Variants in CBLN2 observed in about 807,000 individuals in gnomAD.
CBLN2 encodes the protein cerebellin 2 precursor, also known as cerebellin-2.
In CBLN2, 7 loss-of-function variants were observed where a neutral mutation model predicts 15.0. The ratio of observed to expected loss-of-function variants is 0.47; its 90% CI spans 0.27 to 0.88. The LOEUF (loss-of-function observed/expected upper bound fraction) is 0.88, where lower values mean the gene tolerates loss of function less well. Among genes scored for constraint, CBLN2 ranks in the 40% least tolerant of loss-of-function variants. The pLI is 0.14. For missense variants in CBLN2, 242 were observed against 304.5 expected (o/e 0.79, Z 1.53); for synonymous variants, 149 against 135.2 (o/e 1.10, Z -0.71).
At chr18:72,612,560 T>G (rs577145604) in intron 1 of CBLN2, among the ~76,000 whole-genome samples, 4 of 152,236 alleles carry the variant, frequency 2.6e-5, no homozygotes, top group Admixed American at 2.6e-4. Flanking sequence ...ATTTTCTGTG[T>G]TTTTCTGTAC....
chr18:72,595,999 G>C (rs1294493736), intron 1 of CBLN2, among the ~76,000 whole-genome samples: 1 of 152,008 alleles, frequency 6.6e-6, no homozygotes, highest in Non-Finnish European at 1.5e-5. Context: ...CTTTTGATTG[G>C]AGAGTTTATA....
intron 1 of CBLN2, among the ~76,000 whole-genome samples, chr18:72,588,799 G>T (rs1353100434): frequency 6.6e-6 from 1 of 152,180 alleles, no homozygotes; most frequent in South Asian, 2.1e-4. Flanking sequence ...TTTCCAGGCT[G>T]AGAGAATGCA....
At chr18:72,575,209 T>A (rs1212293305) in intron 1 of CBLN2, among the ~76,000 whole-genome samples, 3 of 151,636 alleles carry the variant, frequency 2.0e-5, no homozygotes, top group Non-Finnish European at 4.4e-5. Flanking sequence ...CAATGGAGGG[T>A]CTGGCATTGT....
In CBLN2 at chr18:72,539,243, G is replaced by C. The variant is rs115782366; in HGVS notation, c.358-471C>G. The C allele has an allele frequency of 4.8e-3, 768 of 161,090 alleles. 4 individuals are homozygous for C. Among genetic ancestry groups the C allele is most frequent in the African/African-American group, 0.018 (735 of 41,624 alleles). 10.0% of individuals were successfully genotyped at this position (161,090 alleles called of 1,614,324 possible). On this transcript the variant is annotated intron_variant, in intron 3 of 4. Transcript: ENST00000269503. ...TCTGAATGGGTAGAGAAGCGGCTAT[G>C]GGGCAAGAGGCCAATTAAAGGAGAT...
At chr18:72,545,627 A>G (rs981044121), upstream of CBLN2, among the ~76,000 whole-genome samples, 2 of 152,200 alleles carry the variant, frequency 1.3e-5, no homozygotes, top group African/African-American at 4.8e-5. Flanking sequence ...ATAGTGTCTT[A>G]CTGTCAAAAT....
chr18:72,617,487 C>G (rs960331970), intron 1 of CBLN2, among the ~76,000 whole-genome samples: 2 of 152,088 alleles, frequency 1.3e-5, no homozygotes, highest in African/African-American at 4.8e-5. Context: ...TGGAATGATA[C>G]TGAATTGAGT....
intron 2 of CBLN2, chr18:72,542,883 A>G (rs957129761): frequency 3.3e-5 from 5 of 153,010 alleles, no homozygotes; most frequent in Non-Finnish European, 7.1e-5. Context: ...CTTGGGGCGA[A>G]TAAGATTACT....
At chr18:72,558,680 C>T (rs1256098844) in intron 1 of CBLN2, among the ~76,000 whole-genome samples, 1 of 152,162 alleles carries the variant, frequency 6.6e-6, no homozygotes, top group Non-Finnish European at 1.5e-5. Context: ...GACACAAAAT[C>T]ACAGAACATT....
intron 1 of CBLN2, among the ~76,000 whole-genome samples, chr18:72,633,946 T>G (rs1452961486): frequency 6.6e-6 from 1 of 152,048 alleles, no homozygotes; most frequent in Admixed American, 6.6e-5. Flanking sequence ...AATAAAACTC[T>G]TAAAGAGCAA....
Position 72,569,283 on chromosome 18 carries a change from TATAGACATCATTTTAAG to T in CBLN2, c.16-30528_16-30512del, listed in dbSNP as rs139237640. Among the ~76,000 whole-genome samples the T allele has an allele frequency of 9.2e-3, 1,400 of 152,284 alleles. 23 individuals are homozygous for T. The highest frequency in any genetic ancestry group is 0.032 in the African/African-American group (1,315 of 41,552). On this transcript the variant is annotated intron_variant, in intron 1 of 2. Transcript: ENST00000581073. ...TAATTTATAACCACTAAAATTGTAA[TATAGACATCATTTTAAG>T]ATAGCTGTATTTACTAAAACAAAAA...
Position 72,542,164 on chromosome 18 carries a change from G to T in CBLN2, c.-4C>A, listed in dbSNP as rs2144866715. The T allele has an allele frequency of 1.6e-6, 2 of 1,253,860 alleles. No homozygotes were observed. Among genetic ancestry groups the T allele is most frequent in the East Asian group, 3.3e-5 (1 of 30,474 alleles). The allele number at this position is 1,253,860 out of a possible 1,614,324, so 77.7% of individuals were successfully genotyped here. On this transcript the variant is annotated 5_prime_UTR_variant, in exon 3 of 5. Coordinates refer to ENST00000269503, the MANE Select transcript of CBLN2 (RefSeq NM_182511.4). The stretch of plus-strand genomic sequence containing the variant: ...GCCCCCGGCCGGGCGCCTGCATCGG[G>T]ACTGGTGGGAGGCGGCGCGCGGGGG...
chr18:72,615,251 AT>A (rs1182543601), intron 1 of CBLN2, among the ~76,000 whole-genome samples: 1 of 131,166 alleles, frequency 7.6e-6, no homozygotes, highest in Non-Finnish European at 1.6e-5. Flanking sequence ...ATAAATATAT[AT>A]TTATATATGT....
chr18:72,624,148 T>C (rs2069718761), intron 1 of CBLN2, among the ~76,000 whole-genome samples: 1 of 152,074 alleles, frequency 6.6e-6, no homozygotes, highest in African/African-American at 2.4e-5. Context: ...GCTGAATTTG[T>C]CTGAGTTCAG....
At chr18:72,583,177 T>C (rs909347266) in intron 1 of CBLN2, among the ~76,000 whole-genome samples, 19 of 152,114 alleles carry the variant, frequency 1.2e-4, no homozygotes, top group African/African-American at 4.6e-4. Flanking sequence ...GGCAGGCAAG[T>C]TTCTCCTTAA....
intron 1 of CBLN2, among the ~76,000 whole-genome samples, chr18:72,636,668 T>A (rs1568138990): frequency 6.6e-6 from 1 of 152,192 alleles, no homozygotes; most frequent in Non-Finnish European, 1.5e-5. Flanking sequence ...AACACCCAAC[T>A]CTGGCTTTAT....
At chr18:72,547,482 T>A (rs1364208413), upstream of CBLN2, among the ~76,000 whole-genome samples, 2 of 152,188 alleles carry the variant, frequency 1.3e-5, no homozygotes, top group Non-Finnish European at 2.9e-5. Context: ...ATTTAAAAAA[T>A]TCTATTATCC....
At chr18:72,593,179 T>C (rs969991705) in intron 1 of CBLN2, among the ~76,000 whole-genome samples, 1 of 152,158 alleles carries the variant, frequency 6.6e-6, no homozygotes. Context: ...CAATGTCTTA[T>C]AGCTTTCATT....
At chr18:72,544,415 C>G (rs1381129706), upstream of CBLN2, 1 of 152,168 alleles carries the variant, frequency 6.6e-6, no homozygotes, top group African/African-American at 2.4e-5. Flanking sequence ...CCCGGGGAGA[C>G]GCGCTGGGTT....
chr18:72,570,234 T>G (rs2069322221), intron 1 of CBLN2, among the ~76,000 whole-genome samples: 1 of 151,994 alleles, frequency 6.6e-6, no homozygotes, highest in African/African-American at 2.4e-5. Flanking sequence ...TTTGATTCAT[T>G]AAGTTAGCAC....
Sources: allele counts gnomAD v4.1 joint callset (sites outside exome capture counted in the v4.1 genomes callset), GRCh38; gene constraint gnomAD v4.1.1; transcripts MANE v1.5; gene names NCBI Gene and HGNC (gene_info 2026-07-23, HGNC 2026-07-21).